MASTL: variants seen among roughly 807,000 people sequenced by gnomAD.
MASTL encodes serine/threonine-protein kinase greatwall.
Under a neutral mutation model 82.5 loss-of-function variants are expected in MASTL, and 54 were observed. The observed-to-expected ratio is 0.65, with a 90% CI of 0.53 to 0.82. The LOEUF is 0.82. Among genes scored for constraint, MASTL ranks in the 40% least tolerant of loss-of-function variants. The pLI is 0.00. For missense variants in MASTL, 950 were observed against 1,047.8 expected (o/e 0.91, Z 1.29); for synonymous variants, 323 against 368.9 (o/e 0.88, Z 1.43).
chr10:27,173,090 G>T (rs763528650), intron 8 of MASTL, 28 bp from the exon 9 acceptor site: 2 of 1,612,404 alleles, frequency 1.2e-6, no homozygotes, highest in East Asian at 4.5e-5. Context: ...TAAGATATTT[G>T]TTATCTCTTA....
chr10:27,167,892 G>C (rs973579206), intron 7 of MASTL, among the ~76,000 whole-genome samples: 1 of 151,370 alleles, frequency 6.6e-6, no homozygotes, highest in African/African-American at 2.4e-5. Context: ...TGAGGATATT[G>C]CTTGCCAAAT....
chr10:27,183,292 T>C (rs2058434347), intron 11 of MASTL, among the ~76,000 whole-genome samples: 1 of 151,936 alleles, frequency 6.6e-6, no homozygotes, highest in Non-Finnish European at 1.5e-5. Context: ...TTGTTGTTGT[T>C]GTTGTTGAGA....
rs2135969400 is a variant in MASTL, at chr10:27,159,545, G to GT, written c.325-73dup. The GT allele has an allele frequency of 4.6e-6, 5 of 1,082,986 alleles. No homozygotes were observed. In the East Asian group the frequency reaches 1.2e-4, roughly 27 times the overall value. The allele number at this position is 1,082,986 out of a possible 1,614,324, so 67.1% of individuals were successfully genotyped here. On this transcript the variant is annotated intron_variant, in intron 2 of 11. Transcript: ENST00000375940. This position sits in a 1 kb window ranked among gnomAD's most constrained non-coding sequence, Gnocchi z 4.0. ...CAGAGCCATGCCAAATATTGTAACT[G>GT]TAATGCCCAAATACTAGATTTTTAA... is the stretch of plus-strand genomic sequence containing the variant.
chr10:27,156,366 T>A (rs1717227857), intron 1 of MASTL, among the ~76,000 whole-genome samples: 1 of 152,006 alleles, frequency 6.6e-6, no homozygotes, highest in Non-Finnish European at 1.5e-5. Flanking sequence ...AATTAGTGGT[T>A]TTGTTTACCT....
chr10:27,170,731 A>T lies in MASTL; in HGVS notation c.1772A>T (p.Asp591Val). 6.2e-7 allele frequency: 1 copy of T among 1,613,854 alleles called. No individual in the cohort carries two copies. The highest frequency in any genetic ancestry group is 8.5e-7 in the Non-Finnish European group (1 of 1,179,894). ...TTAGAAAGTCAGCCCTTAGATTCAGATAGAAGCATCAAAGAATCCTCTTTT... is the reference window on the plus strand; with the variant it reads ...TTAGAAAGTCAGCCCTTAGATTCAGTTAGAAGCATCAAAGAATCCTCTTTT... ...SPLESQPLDS[D>V]RSIKESSFEE... is the part of the protein sequence containing the mutation. Residue 591 changes from aspartate (D) to valine (V), a missense_variant, in exon 8 of 12, where the codon GAT becomes GTT. Asp to Val is a radical substitution (Grantham distance 152). Transcript: ENST00000375940.
At chr10:27,179,443 G>C (rs138311139) in intron 9 of MASTL, among the ~76,000 whole-genome samples, 1 of 152,146 alleles carries the variant, frequency 6.6e-6, no homozygotes, top group South Asian at 2.1e-4. Context: ...TGTAGTCCCA[G>C]CTACTTGGGA....
At chr10:27,158,323 G>A (rs920368189) in intron 1 of MASTL, among the ~76,000 whole-genome samples, 4 of 152,094 alleles carry the variant, frequency 2.6e-5, no homozygotes, top group Non-Finnish European at 4.4e-5. Flanking sequence ...CCTGGGCAAC[G>A]TAGTGAGACC....
rs1468785797 is a variant in MASTL, at chr10:27,161,199, G to A, written c.553+17G>A. On this transcript the variant is annotated intron_variant, in intron 4 of 11. Transcript: ENST00000375940. Reference sequence around the variant, plus strand: ...TGAATAGAGGTAAGAAAAATATCAAGTAAGTACTTTTTTAAAACATCCAAC... The same window carrying A: ...TGAATAGAGGTAAGAAAAATATCAAATAAGTACTTTTTTAAAACATCCAAC... The A allele has an allele frequency of 4.2e-6, 6 of 1,437,798 alleles. No individual in the cohort carries two copies. The allele number at this position is 1,437,798 out of a possible 1,614,324, so 89.1% of individuals were successfully genotyped here.
At chr10:27,169,854 G>A in intron 7 of MASTL, 90 bp from the exon 8 acceptor site, 1 of 1,272,486 alleles carries the variant, frequency 7.9e-7, no homozygotes, top group Non-Finnish European at 1.1e-6. Context: ...TAGTTTATGG[G>A]GTCATTTATC....
intron 9 of MASTL, among the ~76,000 whole-genome samples, chr10:27,178,255 G>A (rs1326572159): frequency 2.0e-5 from 3 of 152,094 alleles, no homozygotes; most frequent in Non-Finnish European, 4.4e-5. Context: ...AATTAGCTGG[G>A]TGTGGTGGCT....
intron 7 of MASTL, among the ~76,000 whole-genome samples, chr10:27,168,039 C>T (rs2057795265): frequency 6.6e-6 from 1 of 152,116 alleles, no homozygotes; most frequent in Admixed American, 6.5e-5. Context: ...TCATAGAAGG[C>T]TGATAAAATA....
chr10:27,187,502 G>A lies in MASTL; in HGVS notation c.*966G>A, dbSNP rs142418541. On this transcript the variant is annotated 3_prime_UTR_variant, in exon 12 of 12. Coordinates refer to ENST00000375940, the MANE Select transcript of MASTL (RefSeq NM_001172303.3). ...TGCGATGGCTCATGCCTGTAATCCC[G>A]GCACTTTGGGAGGCTGAGGCAGGCA... Among the ~76,000 whole-genome samples the A allele has an allele frequency of 1.5e-3, 233 of 151,700 alleles. No individual in the cohort carries two copies. Among genetic ancestry groups the A allele is most frequent in the African/African-American group, 5.3e-3 (221 of 41,364 alleles).
intron 11 of MASTL, 152 bp from the exon 12 acceptor site, chr10:27,186,227 G>C (rs2058737333): frequency 1.3e-6 from 1 of 790,296 alleles, no homozygotes; most frequent in African/African-American, 1.7e-5. Flanking sequence ...TGAAGTATGT[G>C]GCCTAACAGA....
chr10:27,186,014 G>A (rs1461612649), intron 11 of MASTL, among the ~76,000 whole-genome samples: 3 of 152,192 alleles, frequency 2.0e-5, no homozygotes, highest in African/African-American at 4.8e-5. Context: ...GCTTGAACCC[G>A]GGAGGCGGCG....
rs764928437 is a variant in MASTL at position 27,173,209 on chromosome 10, T to C, written c.2216T>C (p.Leu739Pro). 3 of 1,614,148 alleles carry C rather than the reference T, an allele frequency of 1.9e-6. No homozygotes were observed. The highest frequency in any genetic ancestry group is 3.3e-5 in the Admixed American group (2 of 60,020). Residue 739 changes from leucine to proline, a missense_variant, in exon 9 of 12, where the codon CTA becomes CCA. Leu to Pro is a moderately conservative substitution (Grantham distance 98). Coordinates refer to ENST00000375940, the MANE Select transcript of MASTL (RefSeq NM_001172303.3). ...GCCCCCGTTGATGATGGGCGAATTC[T>C]AGGAACCCCAGACTACCTTGCACCT... ...GVAPVDDGRI[L>P]GTPDYLAPEL...
intron 11 of MASTL, among the ~76,000 whole-genome samples, chr10:27,182,270 C>T (rs1048181627): frequency 2.0e-5 from 3 of 151,052 alleles, no homozygotes; most frequent in African/African-American, 2.4e-5. Context: ...AATCAAGTTC[C>T]AATATAATAC....
rs1231103531 is a variant in MASTL, at chr10:27,187,215, G to A, written c.*679G>A. 1.3e-5 allele frequency among the ~76,000 whole-genome samples: 2 copies of A among 152,132 alleles called. No homozygotes were observed. The highest frequency in any genetic ancestry group is 2.1e-4 in the South Asian group (1 of 4,832). On this transcript the variant is annotated 3_prime_UTR_variant, in exon 12 of 12. Transcript: ENST00000375940. ...CTCTGGAGGCTGAGGCAGGAGAATC[G>A]CTGGAACCCAGGAGGAGGAGGTTGT...
chr10:27,179,104 C>A (rs2058193379), intron 9 of MASTL, among the ~76,000 whole-genome samples: 1 of 152,086 alleles, frequency 6.6e-6, no homozygotes, highest in Non-Finnish European at 1.5e-5. Context: ...AACTTTCAGG[C>A]AAATTTAGCA....
chr10:27,174,927 C>T (rs1030539593), intron 9 of MASTL, among the ~76,000 whole-genome samples: 1 of 152,004 alleles, frequency 6.6e-6, no homozygotes, highest in African/African-American at 2.4e-5. Flanking sequence ...ACCTCTTCTA[C>T]ATGTTGATGT....
Sources: allele counts gnomAD v4.1 joint callset (sites outside exome capture counted in the v4.1 genomes callset), GRCh38; gene constraint gnomAD v4.1.1; non-coding constraint Gnocchi (gnomAD v3.1); transcripts MANE v1.5; gene names NCBI Gene and HGNC (gene_info 2026-07-23, HGNC 2026-07-21).